The following SLC35F1 variants were observed in gnomAD, a reference collection of about 807,000 sequenced individuals.
The protein encoded by SLC35F1 is solute carrier family 35 member F1, also known as chromosome 6 open reading frame 169.
In SLC35F1, 14 loss-of-function variants were observed where a neutral mutation model predicts 48.7. The ratio of observed to expected loss-of-function variants is 0.29; its 90% CI spans 0.19 to 0.45. The LOEUF (loss-of-function observed/expected upper bound fraction) is 0.45, where lower values mean the gene tolerates loss of function less well. Among genes scored for constraint, SLC35F1 ranks in the 20% least tolerant of loss-of-function variants. The probability of loss-of-function intolerance (pLI) is 1.00; values close to 1 mark genes in which losing one functional copy is unlikely to be tolerated. For synonymous variants in SLC35F1, 190 were observed against 202.2 expected (o/e 0.94, Z 0.51); for missense variants, 404 against 500.0 (o/e 0.81, Z 1.83).
intron 1 of SLC35F1, among the ~76,000 whole-genome samples, chr6:117,948,875 CG>C (rs1263155442): frequency 1.3e-5 from 2 of 151,706 alleles, no homozygotes; most frequent in East Asian, 3.9e-4. Context: ...CAGAGTTTCT[CG>C]GGGACTAAGA....
chr6:118,249,048 A>T (rs1239886280), intron 3 of SLC35F1, among the ~76,000 whole-genome samples: 1 of 152,228 alleles, frequency 6.6e-6, no homozygotes, highest in Non-Finnish European at 1.5e-5. Context: ...GTGGGCCCCT[A>T]CCAGACAGAA....
chr6:118,256,209 T>G (rs1180018469), intron 3 of SLC35F1, among the ~76,000 whole-genome samples: 2 of 15,350 alleles, frequency 1.3e-4, no homozygotes, highest in East Asian at 7.0e-4. Context: ...ACTTCTGGTG[T>G]GTGTGTGTGT....
At chr6:117,991,617 G>A (rs1200735500) in intron 1 of SLC35F1, among the ~76,000 whole-genome samples, 2 of 152,054 alleles carry the variant, frequency 1.3e-5, no homozygotes, top group South Asian at 2.1e-4. Context: ...GCTTAAATAA[G>A]GTTTTATGAA....
intron 1 of SLC35F1, among the ~76,000 whole-genome samples, chr6:117,952,676 A>G (rs1320901725): frequency 6.6e-6 from 1 of 152,190 alleles, no homozygotes; most frequent in African/African-American, 2.4e-5. Flanking sequence ...CTTAATTACA[A>G]AGGAGAGAAA....
At chr6:118,227,546 C>T (rs1311202257) in intron 2 of SLC35F1, among the ~76,000 whole-genome samples, 2 of 152,084 alleles carry the variant, frequency 1.3e-5, no homozygotes, top group Non-Finnish European at 2.9e-5. Flanking sequence ...CTCAGCTTAA[C>T]GTAAAAAATA....
chr6:118,001,092 A>T (rs985200149), intron 1 of SLC35F1, among the ~76,000 whole-genome samples: 7 of 152,174 alleles, frequency 4.6e-5, no homozygotes, highest in African/African-American at 9.7e-5. Context: ...AGAATTGGAA[A>T]AAACTATTTT....
At chr6:118,306,428 G>A (rs558918370) in intron 7 of SLC35F1, among the ~76,000 whole-genome samples, 36 of 152,266 alleles carry the variant, frequency 2.4e-4, no homozygotes, top group Non-Finnish European at 4.3e-4. Flanking sequence ...TACAAACTCA[G>A]TATTTTTCCC....
At chr6:118,027,863 G>A (rs916126028) in intron 1 of SLC35F1, among the ~76,000 whole-genome samples, 5 of 151,986 alleles carry the variant, frequency 3.3e-5, no homozygotes, top group African/African-American at 7.2e-5. Flanking sequence ...AGACAAGATC[G>A]GGCATGTTCA....
intron 2 of SLC35F1, among the ~76,000 whole-genome samples, chr6:118,194,769 T>TA (rs1774778276): frequency 1.3e-5 from 2 of 152,208 alleles, no homozygotes; most frequent in African/African-American, 4.8e-5. Context: ...AGTCTGACTG[T>TA]AAGAAATTCT....
At chr6:118,115,461 T>C (rs1196169654) in intron 1 of SLC35F1, among the ~76,000 whole-genome samples, 1 of 152,226 alleles carries the variant, frequency 6.6e-6, no homozygotes, top group East Asian at 1.9e-4. Flanking sequence ...AATAAAAATA[T>C]GTGTTTTCTT....
chr6:118,108,537 G>A (rs1393703341), intron 1 of SLC35F1, among the ~76,000 whole-genome samples: 1 of 152,128 alleles, frequency 6.6e-6, no homozygotes, highest in Non-Finnish European at 1.5e-5. Context: ...GTACTAGGAG[G>A]TCTTGGTTTG....
At chr6:118,250,765 G>A (rs1775563938) in intron 3 of SLC35F1, among the ~76,000 whole-genome samples, 1 of 152,070 alleles carries the variant, frequency 6.6e-6, no homozygotes, top group African/African-American at 2.4e-5. Context: ...CTTCAGGTCA[G>A]GAGTTTGAGA....
At chr6:117,949,515 AC>A (rs1776336166) in intron 1 of SLC35F1, among the ~76,000 whole-genome samples, 1 of 151,984 alleles carries the variant, frequency 6.6e-6, no homozygotes, top group South Asian at 2.1e-4. Context: ...AGGTTGGTAA[AC>A]CTTCTGCCAA....
At chr6:118,258,557 T>A (rs191709062) in intron 3 of SLC35F1, among the ~76,000 whole-genome samples, 1 of 152,058 alleles carries the variant, frequency 6.6e-6, no homozygotes, top group Non-Finnish European at 1.5e-5. Context: ...AATATGGCAG[T>A]AAATTTCATC....
chr6:118,267,267 C>T, intron 4 of SLC35F1, 113 bp downstream of exon 4: 1 of 1,228,062 alleles, frequency 8.1e-7, no homozygotes. Context: ...GGATTTCCCA[C>T]TATCTGTGTC....
At chr6:118,264,648 G>C (rs1297559290) in intron 3 of SLC35F1, among the ~76,000 whole-genome samples, 1 of 152,170 alleles carries the variant, frequency 6.6e-6, no homozygotes, top group African/African-American at 2.4e-5. Flanking sequence ...CAATAATTCA[G>C]GAATAGAGGC....
intron 1 of SLC35F1, among the ~76,000 whole-genome samples, chr6:118,012,941 T>A (rs2114877741): frequency 6.6e-6 from 1 of 152,246 alleles, no homozygotes; most frequent in African/African-American, 2.4e-5. Context: ...TTGAGCAATT[T>A]GTTCATGATT....
At chr6:118,135,078 C>T (rs1211254941) in intron 1 of SLC35F1, among the ~76,000 whole-genome samples, 1 of 152,154 alleles carries the variant, frequency 6.6e-6, no homozygotes, top group East Asian at 1.9e-4. Context: ...AGTAAAACAT[C>T]CTCCTCTTTG....
chr6:118,085,127 C>G (rs1266259558), intron 1 of SLC35F1, among the ~76,000 whole-genome samples: 1 of 152,070 alleles, frequency 6.6e-6, no homozygotes, highest in Non-Finnish European at 1.5e-5. Flanking sequence ...GTCACCCCAC[C>G]AACTCTCTTC....
Sources: allele counts gnomAD v4.1 joint callset (sites outside exome capture counted in the v4.1 genomes callset), GRCh38; gene constraint gnomAD v4.1.1; transcripts MANE v1.5; gene names NCBI Gene and HGNC (gene_info 2026-07-23, HGNC 2026-07-21).